The following POTEM variants were observed in gnomAD, a reference collection of about 807,000 sequenced individuals.
The protein encoded by POTEM is putative POTE ankyrin domain family member M.
For synonymous variants in POTEM, 8 were observed against 113.2 expected, an observed-to-expected ratio of 0.07 and a Z score of 5.90; for missense variants, 24 against 343.0, an observed-to-expected ratio of 0.07 and a Z score of 7.35.
intron 1 of POTEM, among the ~76,000 whole-genome samples, chr14:18,969,369 A>T (rs1442329269): frequency 7.4e-6 from 1 of 135,110 alleles, no homozygotes; most frequent in Non-Finnish European, 1.6e-5. Context: ...ATATATATAT[A>T]TATATATATA....
At chr14:18,969,335 G>GTGTATA (rs1890850267) in intron 1 of POTEM, among the ~76,000 whole-genome samples, 2 of 76,968 alleles carry the variant, frequency 2.6e-5, no homozygotes, top group South Asian at 7.8e-4. Context: ...ATATATATAC[G>GTGTATA]TATATACATA....
rs1293927712 is a variant in POTEM, at chr14:19,002,669, T to A, written c.*4004T>A. Among the ~76,000 whole-genome samples, 1 of 152,046 alleles carries A rather than the reference T, an allele frequency of 6.6e-6. No homozygotes were observed. The highest frequency in any genetic ancestry group is 2.4e-5 in the African/African-American group (1 of 41,382). On this transcript the variant is annotated 3_prime_UTR_variant, in exon 11 of 11. Coordinates refer to ENST00000547889, the MANE Select transcript of POTEM (RefSeq NM_001145442.1). ...CTGGCCACACCTGCTTACAGGGCACTCTCAGATGCCCATACCATAGTTTCT... is the reference window on the plus strand; with the variant it reads ...CTGGCCACACCTGCTTACAGGGCACACTCAGATGCCCATACCATAGTTTCT...
chr14:18,999,065 C>A lies in POTEM; in HGVS notation c.*400C>A. 4.3e-6 allele frequency: 1 copy of A among 234,552 alleles called. No individual in the cohort carries two copies. Among genetic ancestry groups the A allele is most frequent in the Non-Finnish European group, 7.8e-6 (1 of 128,608 alleles). The allele number at this position is 234,552 out of a possible 1,614,324, so 14.5% of individuals were successfully genotyped here. A position where few individuals can be genotyped will look rare whatever the true frequency, so the allele number is the denominator to read the frequency against. On this transcript the variant is annotated 3_prime_UTR_variant, in exon 11 of 11. Transcript: ENST00000547889. ...CCCAGAGCAAGAGAGGCATCCTGAC[C>A]CTGAAGTACCCCATGGAGCACGGCA... is the stretch of plus-strand genomic sequence containing the variant.
intron 7 of POTEM, among the ~76,000 whole-genome samples, chr14:18,985,903 C>CAAAA (rs1162516671): frequency 5.8e-5 from 4 of 68,966 alleles, no homozygotes; most frequent in African/African-American, 3.2e-4. Flanking sequence ...GACTCTGTGT[C>CAAAA]AAAAAAAAAA....
At chr14:18,994,911 G>A (rs1891275578) in intron 9 of POTEM, among the ~76,000 whole-genome samples, 1 of 75,072 alleles carries the variant, frequency 1.3e-5, no homozygotes, top group Non-Finnish European at 2.7e-5. Context: ...ATTTTATTGT[G>A]CATTTTCCTG....
chr14:19,003,638 A>C lies in POTEM; in HGVS notation c.*4973A>C, dbSNP rs1358621944. ...TGAGATGTAAGGTTGATTTTGCTGT[A>C]CAACTCCTTTTCTGAAGTTTTACTC... On this transcript the variant is annotated 3_prime_UTR_variant, in exon 11 of 11. Transcript: ENST00000547889. Among the ~76,000 whole-genome samples the C allele has an allele frequency of 7.2e-4, 78 of 108,338 alleles. No individual in the cohort carries two copies. Among genetic ancestry groups the C allele is most frequent in the Middle Eastern group, 4.0e-3 (1 of 250 alleles). 71.1% of individuals were successfully genotyped at this position (108,338 alleles called of 152,430 possible). A position where few individuals can be genotyped will look rare whatever the true frequency, so the allele number is the denominator to read the frequency against.
intron 9 of POTEM, among the ~76,000 whole-genome samples, chr14:18,994,532 G>GAT (rs1283605921): frequency 3.5e-4 from 3 of 8,626 alleles, no homozygotes; most frequent in African/African-American, 1.3e-3. Context: ...TGTGATGTGA[G>GAT]ATATATATAT....
intron 7 of POTEM, among the ~76,000 whole-genome samples, chr14:18,985,994 G>T (rs7410442): frequency 2.4e-5 from 1 of 41,158 alleles, no homozygotes; most frequent in Non-Finnish European, 5.2e-5. Context: ...GAATCAATAG[G>T]TTCTAATTTA....
chr14:18,969,180 T>C (rs1890838340), intron 1 of POTEM, among the ~76,000 whole-genome samples: 1 of 134,966 alleles, frequency 7.4e-6, no homozygotes, highest in South Asian at 2.4e-4. Context: ...GCTAGATGTT[T>C]ATATCACAAA....
chr14:18,969,283 A>T (rs1217276974), intron 1 of POTEM, among the ~76,000 whole-genome samples: 1 of 129,186 alleles, frequency 7.7e-6, no homozygotes, highest in Non-Finnish European at 1.6e-5. Context: ...AGATATATAT[A>T]CACATGTATA....
In POTEM at chr14:18,996,052, G is replaced by A. The variant is rs1247401229; in HGVS notation, c.1410-989G>A. On this transcript the variant is annotated intron_variant, in intron 9 of 10. Transcript: ENST00000547889. ...TGTAGGAGTCTTCAGGGTTTTCTAGGTATAAGGTAATATCATTGGTGAAGA... is the reference window on the plus strand; with the variant it reads ...TGTAGGAGTCTTCAGGGTTTTCTAGATATAAGGTAATATCATTGGTGAAGA... Among the ~76,000 whole-genome samples, 4 of 150,854 alleles carry A rather than the reference G, an allele frequency of 2.7e-5. No homozygotes were observed. The East Asian group carries it at 7.9e-4, about 30-fold the overall frequency.
intron 1 of POTEM, among the ~76,000 whole-genome samples, chr14:18,968,716 A>G (rs1449458175): frequency 1.3e-5 from 2 of 152,256 alleles, no homozygotes; most frequent in African/African-American, 4.8e-5. Context: ...CCAGCTACTC[A>G]GGAGGCTGAG....
rs1402355168 is a variant in POTEM, at chr14:18,968,911, A to G, written c.521+905A>G. On this transcript the variant is annotated intron_variant, in intron 1 of 10. Coordinates refer to ENST00000547889, the MANE Select transcript of POTEM (RefSeq NM_001145442.1). ...CAGTTTTAGAGTTTTTAAATTACAC[A>G]TGCTGTCTTTTATTATTGTGCTAAG... is the stretch of plus-strand genomic sequence containing the variant. Among the ~76,000 whole-genome samples, 6 of 149,308 alleles carry G rather than the reference A, an allele frequency of 4.0e-5. No individual in the cohort carries two copies. In the South Asian group the frequency reaches 1.3e-3, roughly 31 times the overall value.
intron 7 of POTEM, 36 bp downstream of exon 7, chr14:18,985,517 C>CT (rs769010027): frequency 8.7e-7 from 1 of 1,149,874 alleles, no homozygotes; most frequent in African/African-American, 2.2e-5. Flanking sequence ...TTTGGTTTAA[C>CT]GTTTTTTTTT....
At chr14:18,982,956 C>CT (rs1397870022) in intron 6 of POTEM, among the ~76,000 whole-genome samples, 1 of 83,150 alleles carries the variant, frequency 1.2e-5, no homozygotes, top group Admixed American at 1.1e-4. Flanking sequence ...ATGAGAAAGG[C>CT]TTGGGGGACA....
chr14:18,985,853 C>G (rs1277867370), intron 7 of POTEM, among the ~76,000 whole-genome samples: 2 of 139,022 alleles, frequency 1.4e-5, no homozygotes, highest in Non-Finnish European at 3.0e-5. Flanking sequence ...TGCAGTGAGC[C>G]GAGATCTGCC....
At chr14:18,981,981 C>T in intron 6 of POTEM, among the ~76,000 whole-genome samples, 1 of 148,472 alleles carries the variant, frequency 6.7e-6, no homozygotes. Context: ...CCACTTGTCC[C>T]TCTTTCAGCT....
intron 9 of POTEM, among the ~76,000 whole-genome samples, chr14:18,996,168 A>G (rs1891295459): frequency 6.6e-6 from 1 of 151,762 alleles, no homozygotes; most frequent in Non-Finnish European, 1.5e-5. Context: ...TATTCTTAAT[A>G]TGCATGAAAT....
intron 6 of POTEM, 128 bp from the exon 7 acceptor site, chr14:18,985,283 A>G (rs878940939): frequency 0.023 from 6,117 of 265,494 alleles, 6 homozygotes; most frequent in South Asian, 0.082. Context: ...GTAAATGACA[A>G]TTTCATGAAA....
Sources: allele counts gnomAD v4.1 joint callset (sites outside exome capture counted in the v4.1 genomes callset), GRCh38; gene constraint gnomAD v4.1.1; transcripts MANE v1.5; gene names NCBI Gene and HGNC (gene_info 2026-07-23, HGNC 2026-07-21).